Variants in DENND1C observed in about 807,000 individuals in gnomAD.
DENND1C encodes the protein DENN domain containing 1C.
In DENND1C, 64 loss-of-function variants were observed where a neutral mutation model predicts 87.9. The observed-to-expected ratio is 0.73, with a 90% CI of 0.60 to 0.90. DENND1C has a LOEUF of 0.90. Among genes scored for constraint, DENND1C ranks in the 40% least tolerant of loss-of-function variants. The pLI, the probability that DENND1C is intolerant of heterozygous loss-of-function variation, is 0.00. For missense variants in DENND1C, 980 were observed against 1,037.0 expected, an observed-to-expected ratio of 0.95 and a Z score of 0.76; for synonymous variants, 384 against 424.4, an observed-to-expected ratio of 0.90 and a Z score of 1.17.
intron 10 of DENND1C, chr19:6,476,598 G>A: frequency 4.2e-6 from 2 of 476,446 alleles, no homozygotes; most frequent in East Asian, 3.7e-5. Context: ...GGTCCGGAGG[G>A]GTGGAGCCAG....
Position 6,468,903 on chromosome 19 carries a change from G to A in DENND1C, c.1458C>T (p.Leu486=). The A allele has an allele frequency of 6.7e-7, 1 of 1,487,158 alleles. No homozygotes were observed. The highest frequency in any genetic ancestry group is 1.5e-5 in the South Asian group (1 of 68,320). 92.1% of individuals were successfully genotyped at this position (1,487,158 alleles called of 1,614,324 possible). A position where few individuals can be genotyped will look rare whatever the true frequency, so the allele number is the denominator to read the frequency against. ...GCTGCAGGCGGTCTGAGCGGCTGGG[G>A]AGGGCTGGGGCCCTCAGAGAGCCCC... ...QRGGSLRAPA[L]PSRSDRLQQR... Residue 486 remains leucine (L), a synonymous_variant, in exon 20 of 23, where the codon CTC becomes CTT. Coordinates refer to ENST00000381480, the MANE Select transcript of DENND1C (RefSeq NM_024898.4).
In DENND1C at chr19:6,477,270, G is replaced by C; in HGVS notation, c.461C>G (p.Thr154Arg). The part of the protein sequence containing the change: ...SVGLELGSGV[T>R]VSSGQGIPPP... ...GGGGATACCCTGCCCGCTGGAGACC[G>C]TCACTCCGCTGCCCTGGGGAAGAGG... Residue 154 changes from threonine (T) to arginine (R), a missense_variant, in exon 8 of 23, where the codon ACG becomes AGG. Coordinates refer to ENST00000381480, the MANE Select transcript of DENND1C (RefSeq NM_024898.4). 1 of 1,587,334 alleles carries C rather than the reference G, an allele frequency of 6.3e-7. No individual in the cohort carries two copies. Among genetic ancestry groups the C allele is most frequent in the South Asian group, 1.1e-5 (1 of 88,778 alleles).
Position 6,477,429 on chromosome 19 carries a change from A to AT in DENND1C, c.395dup (p.Asn132LysfsTer17), listed in dbSNP as rs768712855. ...GCCCAGACAGGGACTGCTGAAACAG[A>AT]TTTTGAAGAAGTTCCTCTGCCTCGG... On this transcript the variant is annotated frameshift_variant, in exon 7 of 23. Transcript: ENST00000381480. LOFTEE classifies it high-confidence loss of function. 6.2e-7 allele frequency: 1 copy of AT among 1,604,736 alleles called. No homozygotes were observed. The highest frequency in any genetic ancestry group is 1.3e-5 in the African/African-American group (1 of 74,338).
intron 14 of DENND1C, among the ~76,000 whole-genome samples, chr19:6,475,037 A>AAAGC (rs2092850216): frequency 6.6e-6 from 1 of 151,060 alleles, no homozygotes; most frequent in Non-Finnish European, 1.5e-5. Flanking sequence ...CTCTGTCTCA[A>AAAGC]AAACAAACAA....
intron 1 of DENND1C, chr19:6,480,567 T>C (rs57352232): frequency 1.1e-4 from 9 of 83,610 alleles, no homozygotes; most frequent in African/African-American, 5.5e-4. Flanking sequence ...CCCACCTATC[T>C]ATCTATCTAT....
rs201705846 is a variant in DENND1C at position 6,477,100 on chromosome 19, C to G, written c.541G>C (p.Gly181Arg). The stretch of plus-strand genomic sequence containing the variant: ...TTCTCAGGGATGGATGGCAGGCGGC[C>G]GGAGTCCGGGGCCACGAAGCAGGAA... ...PLSCFVAPDS[G>R]RLPSIPENRN... The change falls in exon 9 of 23, where the codon GGC (glycine) becomes CGC (arginine). Residue 181 changes from glycine (G) to arginine (R), a missense_variant. Coordinates refer to ENST00000381480, the MANE Select transcript of DENND1C (RefSeq NM_024898.4). 57 of 1,605,990 alleles carry G rather than the reference C, an allele frequency of 3.5e-5. No homozygotes were observed. The Admixed American group carries it at 9.8e-4, about 28-fold the overall frequency.
Position 6,467,980 on chromosome 19 carries a change from G to C in DENND1C, c.1930C>G (p.Pro644Ala), listed in dbSNP as rs1390910885. The stretch of plus-strand genomic sequence containing the variant: ...GTGACTTCTTGGTCGGACTCTGAGG[G>C]TATCAGCTGGGACCTGGAGTCCTTT... ...SSKDSRSQLI[P>A]SESDQEVTSP... Residue 644 changes from proline to alanine, a missense_variant, in exon 23 of 23, where the codon CCC becomes GCC. By Grantham distance (27) the Pro-to-Ala change is conservative. Transcript: ENST00000381480. 1.2e-6 allele frequency: 2 copies of C among 1,613,908 alleles called. No homozygotes were observed. The highest frequency in any genetic ancestry group is 1.1e-5 in the South Asian group (1 of 91,044).
At position 6,479,919 on chromosome 19, in the gene DENND1C, G is replaced by C. The variant is rs903105364; in HGVS notation, c.83-17C>G. The C allele has an allele frequency of 2.5e-6, 4 of 1,598,558 alleles. No individual in the cohort carries two copies. The East Asian group carries it at 9.1e-5, about 36-fold the overall frequency. On this transcript the variant is annotated splice_polypyrimidine_tract_variant and intron_variant, in intron 2 of 22. Transcript: ENST00000381480. ...TGGGGGGATCTGTAGAAGAGAGCACGCCTCTAAGTTCAGCGACCCAGGCCC... is the reference window on the plus strand; with the variant it reads ...TGGGGGGATCTGTAGAAGAGAGCACCCCTCTAAGTTCAGCGACCCAGGCCC...
In DENND1C at chr19:6,468,609, C is replaced by G; in HGVS notation, c.1552G>C (p.Glu518Gln). The change falls in exon 21 of 23, where the codon GAA becomes CAA. Residue 518 changes from glutamate to glutamine, a missense_variant. Coordinates refer to ENST00000381480, the MANE Select transcript of DENND1C (RefSeq NM_024898.4). ...CCTGGGGGCTCGGAAGTTCCCTCTT[C>G]CAGCTGGCGTCTCCTGCTGGGGCGA... Reference protein sequence around the residue: ...PLRPSRRRQLEEGTSEPPGAG... With the variant: ...PLRPSRRRQLQEGTSEPPGAG... 2 of 1,510,742 alleles carry G rather than the reference C, an allele frequency of 1.3e-6. No individual in the cohort carries two copies. Among genetic ancestry groups the G allele is most frequent in the South Asian group, 2.7e-5 (2 of 73,118 alleles). 93.6% of individuals were successfully genotyped at this position (1,510,742 alleles called of 1,614,324 possible). A position where few individuals can be genotyped will look rare whatever the true frequency, so the allele number is the denominator to read the frequency against.
intron 18 of DENND1C, 77 bp downstream of exon 18, chr19:6,470,218 C>G: frequency 2.8e-6 from 4 of 1,447,446 alleles, no homozygotes; most frequent in Non-Finnish European, 3.8e-6. Flanking sequence ...AATACTCCAT[C>G]CTTGGGAGGT....
At chr19:6,473,063 A>G in intron 14 of DENND1C, 70 bp from the exon 15 acceptor site, 5 of 1,175,290 alleles carry the variant, frequency 4.3e-6, no homozygotes, top group Non-Finnish European at 5.7e-6. Flanking sequence ...CTATATATTT[A>G]TGTAGCAAAC....
chr19:6,481,003 C>A (rs1007799710), intron 1 of DENND1C, among the ~76,000 whole-genome samples: 1 of 151,792 alleles, frequency 6.6e-6, no homozygotes, highest in South Asian at 2.1e-4. Flanking sequence ...ACTGGGTAAC[C>A]GCGTGGGATC....
In DENND1C at chr19:6,469,593, T is replaced by C; in HGVS notation, c.1407+3A>G. The C allele has an allele frequency of 2.5e-6, 4 of 1,604,348 alleles. No homozygotes were observed. The highest frequency in any genetic ancestry group is 3.4e-6 in the Non-Finnish European group (4 of 1,175,758). On this transcript the variant is annotated splice_donor_region_variant and intron_variant, in intron 19 of 22. Transcript: ENST00000381480. The stretch of plus-strand genomic sequence containing the variant: ...GCCACTGCACCCGGCCAGTTGATCT[T>C]ACCTTATACATTAGAAGGCTCTGCA...
intron 10 of DENND1C, 25 bp from the exon 11 acceptor site, chr19:6,475,962 A>G: frequency 6.5e-7 from 1 of 1,535,300 alleles, no homozygotes; most frequent in Non-Finnish European, 8.7e-7. Context: ...CGGGGCGTGG[A>G]GTCAGGGCCT....
rs562656373 is a variant in DENND1C at position 6,467,954 on chromosome 19, C to T, written c.1956G>A (p.Thr652=). The change falls in exon 23 of 23, where the codon ACG becomes ACA. Residue 652 remains threonine (T), a synonymous_variant. Transcript: ENST00000381480. ...AAGCTGTTGAGGACTGGGATGGAGA[C>T]GTGACTTCTTGGTCGGACTCTGAGG... ...LIPSESDQEV[T]SPSQSSTASA... 2.0e-5 allele frequency: 32 copies of T among 1,613,786 alleles called. No individual in the cohort carries two copies. Among genetic ancestry groups the T allele is most frequent in the East Asian group, 4.5e-5 (2 of 44,878 alleles).
At position 6,473,123 on chromosome 19, in the gene DENND1C, T is replaced by A. The variant is rs189896256; in HGVS notation, c.1054-130A>T. ...CTGATCCTGTGTGGGGCCTCATGGATGGCAGGGAGGACTTAAGCTGTTTTT... is the reference window on the plus strand; with the variant it reads ...CTGATCCTGTGTGGGGCCTCATGGAAGGCAGGGAGGACTTAAGCTGTTTTT... On this transcript the variant is annotated intron_variant, in intron 14 of 22. Transcript: ENST00000381480. 38 of 600,476 alleles carry A rather than the reference T, an allele frequency of 6.3e-5. No homozygotes were observed. The East Asian group carries it at 1.2e-3, about 19-fold the overall frequency. The allele number at this position is 600,476 out of a possible 1,614,324, so 37.2% of individuals were successfully genotyped here.
In DENND1C at chr19:6,470,109, T is replaced by A. The variant is rs1257856117; in HGVS notation, c.1362+186A>T. On this transcript the variant is annotated intron_variant, in intron 18 of 22. Coordinates refer to ENST00000381480, the MANE Select transcript of DENND1C (RefSeq NM_024898.4). ...GTAGGATTCCAACAAAAAATGAGTA[T>A]AATAAATAAAAAATAAAAGGGGGAA... 4 of 608,396 alleles carry A rather than the reference T, an allele frequency of 6.6e-6. No individual in the cohort carries two copies. In the African/African-American group the frequency reaches 7.4e-5, roughly 11 times the overall value. The allele number at this position is 608,396 out of a possible 1,614,324, so 37.7% of individuals were successfully genotyped here. A position where few individuals can be genotyped will look rare whatever the true frequency, so the allele number is the denominator to read the frequency against.
Position 6,475,936 on chromosome 19 carries a change from A to G in DENND1C, c.680T>C (p.Leu227Pro). 1 of 1,558,680 alleles carries G rather than the reference A, an allele frequency of 6.4e-7. No individual in the cohort carries two copies. Among genetic ancestry groups the G allele is most frequent in the Non-Finnish European group, 8.6e-7 (1 of 1,161,758 alleles). ...GCAGGACGCGTGGACGCACGAGGTC[A>G]GCTGGGGAGCGATGGCGGGGCGTGG... ...VLLTASKLST[L>P]TSCVHASCAL... Residue 227 changes from leucine (L) to proline (P), a missense_variant and splice_region_variant, in exon 11 of 23, where the codon CTG becomes CCG. Physicochemically the swap from Leu to Pro is moderately conservative, Grantham distance 98. Coordinates refer to ENST00000381480, the MANE Select transcript of DENND1C (RefSeq NM_024898.4).
At chr19:6,478,243 T>A (rs2092874809) in intron 6 of DENND1C, among the ~76,000 whole-genome samples, 1 of 151,472 alleles carries the variant, frequency 6.6e-6, no homozygotes, top group South Asian at 2.1e-4. Flanking sequence ...CCTGGCTAAT[T>A]TTTTATTTTT....
Sources: allele counts gnomAD v4.1 joint callset (sites outside exome capture counted in the v4.1 genomes callset), GRCh38; gene constraint gnomAD v4.1.1; transcripts MANE v1.5; gene names NCBI Gene and HGNC (gene_info 2026-07-23, HGNC 2026-07-21).